SAMMSON: variants seen among roughly 807,000 people sequenced by gnomAD.
SAMMSON encodes survival associated mitochondrial melanoma specific oncogenic non-coding RNA.
chr3:70,099,973 A>G (rs182437906), intron 4 of SAMMSON, among the ~76,000 whole-genome samples: 10 of 152,274 alleles, frequency 6.6e-5, no homozygotes, highest in Admixed American at 1.3e-4. Flanking sequence ...GAGTTTTGCC[A>G]ACTTCACATA....
intron 6 of SAMMSON, among the ~76,000 whole-genome samples, chr3:70,268,264 A>C (rs898319714): frequency 6.6e-6 from 1 of 152,126 alleles, no homozygotes; most frequent in Non-Finnish European, 1.5e-5. Flanking sequence ...TGAGCGCAGA[A>C]GTTCGCGACC....
At chr3:70,150,441 T>C (rs1427875312) in intron 4 of SAMMSON, among the ~76,000 whole-genome samples, 2 of 152,090 alleles carry the variant, frequency 1.3e-5, no homozygotes, top group African/African-American at 4.8e-5. Flanking sequence ...AGCTAGTTCT[T>C]ATCCAAGTAT....
intron 4 of SAMMSON, among the ~76,000 whole-genome samples, chr3:70,178,100 T>G (rs1471653299): frequency 6.6e-6 from 1 of 152,150 alleles, no homozygotes; most frequent in Non-Finnish European, 1.5e-5. Context: ...TAGGAGCAGT[T>G]GCTGGGGATG....
intron 4 of SAMMSON, among the ~76,000 whole-genome samples, chr3:70,115,523 A>G (rs1479282553): frequency 6.6e-6 from 1 of 152,168 alleles, no homozygotes; most frequent in Admixed American, 6.5e-5. Context: ...ACAAGCATCC[A>G]CATCTTGTTT....
intron 4 of SAMMSON, among the ~76,000 whole-genome samples, chr3:70,224,314 A>T (rs1346891902): frequency 6.6e-6 from 1 of 152,206 alleles, no homozygotes; most frequent in African/African-American, 2.4e-5. Flanking sequence ...GATAAATCCA[A>T]TACATTTGGA....
At chr3:70,193,414 C>G (rs73116258) in intron 4 of SAMMSON, among the ~76,000 whole-genome samples, 3 of 152,078 alleles carry the variant, frequency 2.0e-5, no homozygotes, top group Non-Finnish European at 2.9e-5. Context: ...TCACCTCAGC[C>G]TCCTGAGTGG....
At chr3:70,358,385 T>A (rs962767818) in intron 9 of SAMMSON, 6 of 152,164 alleles carry the variant, frequency 3.9e-5, no homozygotes, top group Admixed American at 1.3e-4. Flanking sequence ...AAAGCTATGA[T>A]TTAGTGCTTT....
chr3:70,340,157 C>G (rs1432334657), intron 7 of SAMMSON, among the ~76,000 whole-genome samples: 2 of 148,568 alleles, frequency 1.3e-5, no homozygotes, highest in Non-Finnish European at 3.0e-5. Context: ...AAACCAAACA[C>G]TGCATATTCT....
chr3:70,386,893 G>A (rs918633292), intron 9 of SAMMSON, among the ~76,000 whole-genome samples: 2 of 152,098 alleles, frequency 1.3e-5, no homozygotes, highest in Non-Finnish European at 2.9e-5. Context: ...CTGTTGGGAT[G>A]TATTTCAGGA....
At chr3:70,229,580 C>T (rs1701539789) in intron 4 of SAMMSON, among the ~76,000 whole-genome samples, 1 of 152,162 alleles carries the variant, frequency 6.6e-6, no homozygotes, top group Admixed American at 6.5e-5. Flanking sequence ...ATGTAGCTCC[C>T]TTGCATGTTA....
chr3:70,405,463 C>G (rs547261139), intron 2 of SAMMSON, among the ~76,000 whole-genome samples: 1 of 152,068 alleles, frequency 6.6e-6, no homozygotes, highest in South Asian at 2.1e-4. Context: ...TGTTAAATGA[C>G]TTAAAGGAAA....
intron 7 of SAMMSON, among the ~76,000 whole-genome samples, chr3:70,350,657 T>C (rs1702787713): frequency 6.6e-6 from 1 of 152,204 alleles, no homozygotes; most frequent in Admixed American, 6.5e-5. Flanking sequence ...ATTCAAATTC[T>C]AAGTTCCTTC....
intron 2 of SAMMSON, among the ~76,000 whole-genome samples, chr3:70,420,031 G>A (rs938301081): frequency 6.6e-6 from 1 of 152,218 alleles, no homozygotes; most frequent in African/African-American, 2.4e-5. Context: ...CTCTTTGAGA[G>A]ATAAGCAGGT....
chr3:70,223,669 C>A (rs1338357693), intron 4 of SAMMSON, among the ~76,000 whole-genome samples: 5 of 152,142 alleles, frequency 3.3e-5, no homozygotes, highest in Non-Finnish European at 7.4e-5. Flanking sequence ...AGACTTAAGT[C>A]TGAAAAATTT....
At chr3:70,130,477 C>T (rs777106269) in intron 4 of SAMMSON, among the ~76,000 whole-genome samples, 20 of 152,232 alleles carry the variant, frequency 1.3e-4, no homozygotes, top group East Asian at 3.9e-4. Flanking sequence ...ATTCTTACAA[C>T]GTGATAATGA....
chr3:70,396,888 A>T (rs566659950), intron 2 of SAMMSON, among the ~76,000 whole-genome samples: 1 of 152,342 alleles, frequency 6.6e-6, no homozygotes, highest in African/African-American at 2.4e-5. Context: ...GGAAAGCAAA[A>T]GTCACTTAGG....
intron 2 of SAMMSON, among the ~76,000 whole-genome samples, chr3:70,401,249 A>G (rs1208339753): frequency 1.3e-5 from 2 of 152,208 alleles, no homozygotes; most frequent in Non-Finnish European, 1.5e-5. Flanking sequence ...ATATCATTAC[A>G]TAATAAAGAT....
At chr3:70,178,383 T>C (rs1454231299) in intron 4 of SAMMSON, among the ~76,000 whole-genome samples, 1 of 152,284 alleles carries the variant, frequency 6.6e-6, no homozygotes, top group East Asian at 1.9e-4. Context: ...GGAAATCCTG[T>C]TAAAGGACAT....
intron 4 of SAMMSON, among the ~76,000 whole-genome samples, chr3:70,083,195 T>G (rs1253175938): frequency 6.6e-6 from 1 of 152,216 alleles, no homozygotes; most frequent in African/African-American, 2.4e-5. Flanking sequence ...TTGTGATCAT[T>G]TGCCAGAATT....
Sources: allele counts gnomAD v4.1 joint callset (sites outside exome capture counted in the v4.1 genomes callset), GRCh38; gene constraint gnomAD v4.1.1; transcripts MANE v1.5; gene names NCBI Gene and HGNC (gene_info 2026-07-23, HGNC 2026-07-21).